Variants in ENOX1 observed in about 807,000 individuals in gnomAD.
ENOX1 encodes the protein ecto-NOX disulfide-thiol exchanger 1, also known as candidate growth-related and time keeping constitutive hydroquinone (NADH) oxidase.
ENOX1 carries 42 observed loss-of-function variants against 82.5 expected under a neutral mutation model. The ratio of observed to expected loss-of-function variants is 0.51; its 90% confidence interval spans 0.40 to 0.66. ENOX1 has a LOEUF of 0.66. ENOX1 is among the 30% of genes least tolerant of loss of function. The pLI is 0.00. For missense variants in ENOX1, 608 were observed against 811.6 expected (o/e 0.75, Z 3.05); for synonymous variants, 271 against 282.2 (o/e 0.96, Z 0.40).
At chr13:43,575,466 C>T (rs2080379445) in intron 2 of ENOX1, among the ~76,000 whole-genome samples, 1 of 152,174 alleles carries the variant, frequency 6.6e-6, no homozygotes, top group Non-Finnish European at 1.5e-5. Context: ...ACATCAACTA[C>T]ACTCTGGGCA....
intron 12 of ENOX1, among the ~76,000 whole-genome samples, chr13:43,275,719 C>G (rs556813373): frequency 1.4e-4 from 22 of 152,304 alleles, no homozygotes; most frequent in Non-Finnish European, 2.9e-4. Context: ...CACTGAGCTC[C>G]TGCTGTGTGC....
At chr13:43,246,203 T>C (rs549635315) in intron 14 of ENOX1, among the ~76,000 whole-genome samples, 3 of 152,248 alleles carry the variant, frequency 2.0e-5, no homozygotes, top group South Asian at 2.1e-4. Context: ...AATTTACAGG[T>C]TAAGAAAATG....
intron 5 of ENOX1, among the ~76,000 whole-genome samples, chr13:43,384,494 G>A (rs2052280187): frequency 6.6e-6 from 1 of 152,172 alleles, no homozygotes; most frequent in African/African-American, 2.4e-5. Flanking sequence ...TGAATTAGAT[G>A]ATATAACTTC....
intron 15 of ENOX1, among the ~76,000 whole-genome samples, chr13:43,235,619 C>A (rs1292329117): frequency 1.3e-5 from 2 of 151,872 alleles, no homozygotes; most frequent in African/African-American, 4.8e-5. Flanking sequence ...GTAATCCCAG[C>A]CACTAGAGAG....
At chr13:43,760,870 A>G (rs936015780) in intron 1 of ENOX1, among the ~76,000 whole-genome samples, 3 of 151,568 alleles carry the variant, frequency 2.0e-5, no homozygotes, top group Non-Finnish European at 2.9e-5. Context: ...GAAAAAAAAA[A>G]AAAAAACAAG....
chr13:43,607,134 C>G (rs2082008119), intron 2 of ENOX1, among the ~76,000 whole-genome samples: 1 of 151,992 alleles, frequency 6.6e-6, no homozygotes, highest in South Asian at 2.1e-4. Flanking sequence ...ATGATAAATG[C>G]TTGAAGAGAT....
chr13:43,386,867 A>G (rs1335129749), intron 5 of ENOX1, among the ~76,000 whole-genome samples: 1 of 152,198 alleles, frequency 6.6e-6, no homozygotes, highest in Admixed American at 6.5e-5. Context: ...ACAAGCTTTC[A>G]AATTCTGGAG....
At chr13:43,231,697 G>A (rs1032660859) in intron 15 of ENOX1, among the ~76,000 whole-genome samples, 42 of 152,140 alleles carry the variant, frequency 2.8e-4, no homozygotes, top group African/African-American at 9.4e-4. Context: ...GGCATCTGTA[G>A]CATAAGTAGC....
chr13:43,336,552 C>G (rs2048724770), intron 9 of ENOX1, among the ~76,000 whole-genome samples: 1 of 152,208 alleles, frequency 6.6e-6, no homozygotes, highest in Non-Finnish European at 1.5e-5. Flanking sequence ...TTAAAATTCA[C>G]AGTGTAGCCC....
intron 5 of ENOX1, among the ~76,000 whole-genome samples, chr13:43,386,622 A>T (rs1313608085): frequency 6.6e-6 from 1 of 152,232 alleles, no homozygotes; most frequent in East Asian, 1.9e-4. Flanking sequence ...GTTGACTTGG[A>T]TGTAAAATGG....
At chr13:43,390,922 T>C (rs1310414576) in intron 5 of ENOX1, among the ~76,000 whole-genome samples, 1 of 152,176 alleles carries the variant, frequency 6.6e-6, no homozygotes, top group Admixed American at 6.5e-5. Context: ...AAAAAGCACA[T>C]CCATTACTAT....
chr13:43,644,065 T>C (rs7319346), intron 2 of ENOX1, among the ~76,000 whole-genome samples: 38,114 of 152,044 alleles, frequency 0.25, 5,199 homozygotes, highest in Non-Finnish European at 0.32. Flanking sequence ...ATTGCTCTTT[T>C]AGTCATCTTA....
intron 16 of ENOX1, 99 bp from the exon 17 acceptor site, chr13:43,214,220 T>A: frequency 7.9e-7 from 1 of 1,264,652 alleles, no homozygotes; most frequent in Non-Finnish European, 1.1e-6. Flanking sequence ...ATGAACAGCA[T>A]TTAGTTTTCT....
chr13:43,768,242 G>C (rs565415581), intron 1 of ENOX1, among the ~76,000 whole-genome samples: 2 of 152,226 alleles, frequency 1.3e-5, no homozygotes, highest in South Asian at 4.2e-4. Flanking sequence ...AACCATAGCA[G>C]ACAAGTTCAG....
chr13:43,580,286 T>C (rs923347658), intron 2 of ENOX1, among the ~76,000 whole-genome samples: 2 of 152,248 alleles, frequency 1.3e-5, no homozygotes, highest in Admixed American at 1.3e-4. Context: ...TAGCAATTTA[T>C]GTGTACAAAG....
chr13:43,395,644 T>A (rs1215273098), intron 5 of ENOX1, among the ~76,000 whole-genome samples: 1 of 152,226 alleles, frequency 6.6e-6, no homozygotes, highest in African/African-American at 2.4e-5. Context: ...GGACAACATA[T>A]CACAATAAAT....
At chr13:43,627,011 T>C (rs2082992496) in intron 2 of ENOX1, among the ~76,000 whole-genome samples, 1 of 141,800 alleles carries the variant, frequency 7.1e-6, no homozygotes, top group Non-Finnish European at 1.5e-5. Context: ...ATCTTCCTAG[T>C]AGATTGACCT....
At chr13:43,590,043 T>A (rs1459353094) in intron 2 of ENOX1, among the ~76,000 whole-genome samples, 1 of 152,166 alleles carries the variant, frequency 6.6e-6, no homozygotes, top group Non-Finnish European at 1.5e-5. Flanking sequence ...CTTGATGGCC[T>A]CAGGTATTAG....
intron 11 of ENOX1, among the ~76,000 whole-genome samples, chr13:43,313,416 G>C (rs1460997025): frequency 2.6e-5 from 4 of 152,124 alleles, no homozygotes; most frequent in Non-Finnish European, 5.9e-5. Context: ...TCTGATACTA[G>C]TTACTATTCC....
Sources: gnomAD v4.1 joint callset for allele counts (sites outside exome capture counted in the v4.1 genomes callset) on GRCh38, gnomAD v4.1.1 for gene constraint, MANE v1.5 for transcripts, NCBI Gene and HGNC (gene_info 2026-07-23, HGNC 2026-07-21) for gene names.